The following MAML2 variants were observed in gnomAD, a reference collection of about 807,000 sequenced individuals.
The protein encoded by MAML2 is mastermind-like protein 2.
A neutral mutation model predicts 96.1 loss-of-function variants in MAML2; 22 were observed. The observed-to-expected ratio is 0.23, with a 90% confidence interval of 0.16 to 0.33. MAML2 has a LOEUF of 0.33. Ranked by LOEUF, MAML2 falls within the 10% of genes least tolerant of loss-of-function variation. The pLI, the probability that MAML2 is intolerant of heterozygous loss-of-function variation, is 1.00. For missense variants in MAML2, 1,367 were observed against 1,392.4 expected (o/e 0.98, Z 0.29); for synonymous variants, 561 against 521.3 (o/e 1.08, Z -1.04).
At chr11:96,080,022 C>T (rs1565207783) in intron 2 of MAML2, among the ~76,000 whole-genome samples, 1 of 152,120 alleles carries the variant, frequency 6.6e-6, no homozygotes, top group Non-Finnish European at 1.5e-5. Context: ...GGAAACTTCA[C>T]AAATGAAAGA....
At chr11:96,140,959 T>A (rs1274242221) in intron 1 of MAML2, among the ~76,000 whole-genome samples, 1 of 152,222 alleles carries the variant, frequency 6.6e-6, no homozygotes, top group Non-Finnish European at 1.5e-5. Context: ...CCAGATGTAA[T>A]AAGTAAACAT....
chr11:96,113,730 A>C (rs1860175896), intron 1 of MAML2, among the ~76,000 whole-genome samples: 1 of 152,226 alleles, frequency 6.6e-6, no homozygotes, highest in South Asian at 2.1e-4. Context: ...TTTGGCCCCT[A>C]GGGAACATAG....
At chr11:96,066,933 A>G (rs1441357471) in intron 2 of MAML2, among the ~76,000 whole-genome samples, 2 of 152,186 alleles carry the variant, frequency 1.3e-5, no homozygotes, top group African/African-American at 4.8e-5. Flanking sequence ...GGAAGGCAGG[A>G]GCGGCTGGAG....
At chr11:96,239,349 T>C (rs1299860878) in intron 1 of MAML2, among the ~76,000 whole-genome samples, 1 of 152,192 alleles carries the variant, frequency 6.6e-6, no homozygotes, top group East Asian at 1.9e-4. Flanking sequence ...TTGACCCCTA[T>C]TGGAGGCTGT....
rs1174204752 is a variant in MAML2, at chr11:96,092,860, A to T, written c.1171T>A (p.Phe391Ile). 6.2e-7 allele frequency: 1 copy of T among 1,606,920 alleles called. No individual in the cohort carries two copies. Among genetic ancestry groups the T allele is most frequent in the African/African-American group, 1.3e-5 (1 of 74,840 alleles). Residue 391 changes from phenylalanine to isoleucine, a missense_variant, in exon 2 of 5, where the codon TTC (phenylalanine) becomes ATC (isoleucine). Coordinates refer to ENST00000524717, the MANE Select transcript of MAML2 (RefSeq NM_032427.4). The surrounding 1 kb of genome is among the most constrained non-coding windows in gnomAD (Gnocchi z 4.1). ...GAGAGGGCAGAGTTGGCCATGGAGA[A>T]TGCGGGGCCAGCTGATGGGGGCCTC... The part of the protein sequence containing the change: ...QLRPPSAGPA[F>I]SMANSALSTS...
At chr11:96,002,919 G>T (rs2135719876) in intron 2 of MAML2, among the ~76,000 whole-genome samples, 2 of 138,342 alleles carry the variant, frequency 1.4e-5, no homozygotes, top group South Asian at 2.5e-4. Flanking sequence ...AAGATGATGG[G>T]GATAAGGAAG....
chr11:96,231,158 C>A (rs912646399), intron 1 of MAML2, among the ~76,000 whole-genome samples: 7 of 152,148 alleles, frequency 4.6e-5, no homozygotes, highest in Non-Finnish European at 7.4e-5. Flanking sequence ...ATATTTCTCT[C>A]TATATAAAAA....
chr11:96,295,937 A>AACACACACACAC (rs56231526), intron 1 of MAML2, among the ~76,000 whole-genome samples: 12 of 137,886 alleles, frequency 8.7e-5, no homozygotes, highest in East Asian at 4.4e-4. Flanking sequence ...CAGAACAGTA[A>AACACACACACAC]ACACACACAC....
Position 96,147,845 on chromosome 11 carries a change from C to T in MAML2, c.514-54328G>A, listed in dbSNP as rs565142008. 4.6e-5 allele frequency among the ~76,000 whole-genome samples: 7 copies of T among 152,266 alleles called. No individual in the cohort carries two copies. The East Asian group carries it at 1.2e-3, about 25-fold the overall frequency. ...CGGAGCAAAGTATGCACTTGGGGTA[C>T]CCCTGTGTTGTGTCTTAAAAGGGGG... On this transcript the variant is annotated intron_variant, in intron 1 of 4. Transcript: ENST00000524717.
At chr11:96,241,873 A>T (rs1862442555) in intron 1 of MAML2, among the ~76,000 whole-genome samples, 1 of 152,164 alleles carries the variant, frequency 6.6e-6, no homozygotes, top group South Asian at 2.1e-4. Context: ...GGTTTGAATT[A>T]GTTTGTTTGG....
chr11:96,243,437 C>T (rs888730113), intron 1 of MAML2, among the ~76,000 whole-genome samples: 2 of 152,146 alleles, frequency 1.3e-5, no homozygotes, highest in African/African-American at 4.8e-5. Context: ...TAGCAGGAGG[C>T]GTTGCTCAAG....
At chr11:96,335,906 G>A (rs865931244) in intron 1 of MAML2, among the ~76,000 whole-genome samples, 1 of 151,956 alleles carries the variant, frequency 6.6e-6, no homozygotes, top group East Asian at 1.9e-4. Flanking sequence ...CCACATTTCC[G>A]TATTTTCTCC....
intron 1 of MAML2, among the ~76,000 whole-genome samples, chr11:96,186,769 G>T (rs1468868198): frequency 1.3e-5 from 2 of 152,212 alleles, no homozygotes; most frequent in Non-Finnish European, 2.9e-5. Context: ...CTTTCTCAAG[G>T]CTACATAGTA....
At chr11:96,277,879 G>C (rs1044148057) in intron 1 of MAML2, among the ~76,000 whole-genome samples, 2 of 151,348 alleles carry the variant, frequency 1.3e-5, no homozygotes, top group Non-Finnish European at 2.9e-5. Context: ...CTGGCACATA[G>C]TAGGTGCTCT....
intron 1 of MAML2, among the ~76,000 whole-genome samples, chr11:96,238,475 G>A (rs1460609326): frequency 6.6e-6 from 1 of 152,200 alleles, no homozygotes; most frequent in East Asian, 1.9e-4. Context: ...TCTGCTGTGA[G>A]TCCAAACTTT....
chr11:96,261,823 T>C (rs1300453578), intron 1 of MAML2, among the ~76,000 whole-genome samples: 2 of 152,256 alleles, frequency 1.3e-5, no homozygotes, highest in African/African-American at 4.8e-5. Context: ...AACAACCAAG[T>C]TACCTAACTG....
chr11:95,979,406 C>G lies in MAML2; in HGVS notation c.3013G>C (p.Gly1005Arg), dbSNP rs779167358. The G allele has an allele frequency of 6.8e-6, 11 of 1,613,592 alleles. No individual in the cohort carries two copies. The highest frequency in any genetic ancestry group is 8.5e-6 in the Non-Finnish European group (10 of 1,179,734). ...TPNQSLQQAVGSQQFSQRAVA... is the reference protein window; with the variant it reads ...TPNQSLQQAVRSQQFSQRAVA... ...GCCCTCTGGGAAAATTGCTGGCTAC[C>G]TACTGCCTGTTGCAGTGACTGATTT... Residue 1005 changes from glycine to arginine, a missense_variant, in exon 5 of 5, where the codon GGT becomes CGT. Gly to Arg is a moderately radical substitution (Grantham distance 125). Transcript: ENST00000524717.
chr11:96,121,231 G>C (rs546362595), intron 1 of MAML2, among the ~76,000 whole-genome samples: 3 of 152,184 alleles, frequency 2.0e-5, no homozygotes, highest in Non-Finnish European at 4.4e-5. Flanking sequence ...TGGCTTCTCA[G>C]AGTCTCTGGC....
intron 1 of MAML2, among the ~76,000 whole-genome samples, chr11:96,189,160 G>A (rs1861617092): frequency 6.6e-6 from 1 of 151,696 alleles, no homozygotes; most frequent in African/African-American, 2.4e-5. Flanking sequence ...TACAAGAGGT[G>A]ATTTGCCTCT....
Sources: allele counts gnomAD v4.1 joint callset (sites outside exome capture counted in the v4.1 genomes callset), GRCh38; gene constraint gnomAD v4.1.1; non-coding constraint Gnocchi (gnomAD v3.1); transcripts MANE v1.5; gene names NCBI Gene and HGNC (gene_info 2026-07-23, HGNC 2026-07-21).